INTS9: variants seen among roughly 807,000 people sequenced by gnomAD.
INTS9 encodes integrator complex subunit 9.
In INTS9, 55 loss-of-function variants were observed where a neutral mutation model predicts 79.7. The observed-to-expected ratio is 0.69, with a 90% CI of 0.56 to 0.86. The LOEUF is 0.86. Among genes scored for constraint, INTS9 ranks in the 40% least tolerant of loss-of-function variants. The pLI is 0.00. For missense variants in INTS9, 721 were observed against 831.5 expected (o/e 0.87, Z 1.64); for synonymous variants, 319 against 325.2 (o/e 0.98, Z 0.20).
chr8:28,862,912 C>T (rs1292555411), intron 1 of INTS9, among the ~76,000 whole-genome samples: 1 of 152,140 alleles, frequency 6.6e-6, no homozygotes. Flanking sequence ...CTTGGCTGCA[C>T]TCAGTGTTAA....
chr8:28,857,741 G>C (rs1808252282), intron 2 of INTS9, among the ~76,000 whole-genome samples: 1 of 152,148 alleles, frequency 6.6e-6, no homozygotes. Context: ...AGGCAGTGGG[G>C]ATACAATGGA....
intron 10 of INTS9, among the ~76,000 whole-genome samples, chr8:28,789,957 C>G (rs942732443): frequency 1.7e-4 from 26 of 152,214 alleles, no homozygotes. Flanking sequence ...CTTTCAAGAG[C>G]TATTCCCTCC....
intron 9 of INTS9, 93 bp from the exon 10 acceptor site, chr8:28,794,080 C>T (rs1318398335): frequency 2.4e-5 from 26 of 1,061,598 alleles, no homozygotes; most frequent in Non-Finnish European, 3.1e-5. Context: ...CACTTGTTTT[C>T]CTACTTCTGT....
chr8:28,841,002 A>G (rs370427063), intron 4 of INTS9, among the ~76,000 whole-genome samples: 1 of 151,814 alleles, frequency 6.6e-6, no homozygotes, highest in East Asian at 1.9e-4. Context: ...AAGCAGATGA[A>G]GAGAGGGAGG....
intron 6 of INTS9, among the ~76,000 whole-genome samples, chr8:28,833,436 A>G (rs746444675): frequency 5.9e-5 from 9 of 152,086 alleles, no homozygotes; most frequent in Non-Finnish European, 1.2e-4. Flanking sequence ...CCTGGCCAAC[A>G]TGGTGAAACC....
intron 6 of INTS9, among the ~76,000 whole-genome samples, chr8:28,825,358 C>G (rs980755049): frequency 6.6e-6 from 1 of 152,234 alleles, no homozygotes; most frequent in Non-Finnish European, 1.5e-5. Context: ...GAATTTCTTT[C>G]ACATTGTCCC....
chr8:28,815,876 TA>T (rs1805441132), intron 6 of INTS9, among the ~76,000 whole-genome samples: 1 of 152,018 alleles, frequency 6.6e-6, no homozygotes. Flanking sequence ...AACTACACAC[TA>T]AAAGAACACA....
At chr8:28,834,086 C>T (rs956947533) in intron 6 of INTS9, among the ~76,000 whole-genome samples, 4 of 152,208 alleles carry the variant, frequency 2.6e-5, no homozygotes, top group Non-Finnish European at 5.9e-5. Context: ...CTCAGCTCTC[C>T]TCTTACCTTC....
At chr8:28,807,421 A>G (rs1271863837) in intron 8 of INTS9, among the ~76,000 whole-genome samples, 2 of 152,214 alleles carry the variant, frequency 1.3e-5, no homozygotes, top group East Asian at 3.8e-4. Context: ...AAACAAAGGT[A>G]GTACAAGAAA....
intron 6 of INTS9, among the ~76,000 whole-genome samples, chr8:28,830,861 C>G (rs551806811): frequency 6.6e-6 from 1 of 152,200 alleles, no homozygotes; most frequent in African/African-American, 2.4e-5. Context: ...TGGCCTTCTC[C>G]AATAGCGCAA....
intron 8 of INTS9, among the ~76,000 whole-genome samples, chr8:28,807,999 A>C (rs750823341): frequency 1.3e-5 from 2 of 152,210 alleles, no homozygotes; most frequent in Non-Finnish European, 2.9e-5. Context: ...AAATCAATTA[A>C]AAAATTAATA....
chr8:28,818,575 T>TGA (rs1464312929), intron 6 of INTS9, among the ~76,000 whole-genome samples: 1 of 151,976 alleles, frequency 6.6e-6, no homozygotes, highest in African/African-American at 2.4e-5. Flanking sequence ...TGAGGATTTT[T>TGA]GCATCAATGT....
chr8:28,868,279 G>A (rs1044660245), intron 1 of INTS9, among the ~76,000 whole-genome samples: 1 of 152,218 alleles, frequency 6.6e-6, no homozygotes, highest in Non-Finnish European at 1.5e-5. Flanking sequence ...ATTTTCTTTT[G>A]TTGGTTTTCC....
chr8:28,829,069 A>G (rs1190588869), intron 6 of INTS9, among the ~76,000 whole-genome samples: 1 of 152,242 alleles, frequency 6.6e-6, no homozygotes, highest in Non-Finnish European at 1.5e-5. Flanking sequence ...AGCCAAGACT[A>G]TATCAATGCT....
chr8:28,808,192 GATT>G (rs1198519610), intron 8 of INTS9, among the ~76,000 whole-genome samples: 1 of 103,300 alleles, frequency 9.7e-6, no homozygotes, highest in Non-Finnish European at 1.9e-5. Context: ...CCTTTATTTA[GATT>G]TTTTTTTTTT....
chr8:28,791,483 A>G (rs914590723), intron 10 of INTS9, among the ~76,000 whole-genome samples: 3 of 151,798 alleles, frequency 2.0e-5, no homozygotes, highest in African/African-American at 7.3e-5. Context: ...AGACCACCCA[A>G]CTCATCCTTA....
rs372223782 is a variant in INTS9 at position 28,786,892 on chromosome 8, T to C, written c.1098+937A>G. 9.2e-5 allele frequency among the ~76,000 whole-genome samples: 14 copies of C among 152,228 alleles called. No individual in the cohort carries two copies. In the East Asian group the frequency reaches 2.3e-3, roughly 25 times the overall value. On this transcript the variant is annotated intron_variant, in intron 11 of 16. Transcript: ENST00000521022. Reference sequence around the variant, plus strand: ...GCCACCACGCCTGGCTAATTTTTTGTATTTGTAGTAGAGACGGGGTTTCAC... The same window carrying C: ...GCCACCACGCCTGGCTAATTTTTTGCATTTGTAGTAGAGACGGGGTTTCAC...
chr8:28,793,748 T>C (rs2130954066), intron 10 of INTS9, 59 bp downstream of exon 10: 2 of 1,321,458 alleles, frequency 1.5e-6, no homozygotes, highest in South Asian at 3.4e-5. Context: ...TTATTCTTAC[T>C]GCTTGAATGT....
chr8:28,886,409 A>G (rs1810178160), intron 1 of INTS9, among the ~76,000 whole-genome samples: 2 of 152,010 alleles, frequency 1.3e-5, no homozygotes, highest in African/African-American at 4.8e-5. Context: ...CACGACGCTC[A>G]GCTAGTTTTT....
Sources: gnomAD v4.1 joint callset for allele counts (sites outside exome capture counted in the v4.1 genomes callset) on GRCh38, gnomAD v4.1.1 for gene constraint, MANE v1.5 for transcripts, NCBI Gene and HGNC (gene_info 2026-07-23, HGNC 2026-07-21) for gene names.